IL21: variants seen among roughly 807,000 people sequenced by gnomAD.
IL21 encodes interleukin-21.
A neutral mutation model predicts 18.4 loss-of-function variants in IL21; 3 were observed. The ratio of observed to expected loss-of-function variants is 0.16; its 90% CI spans 0.07 to 0.42. The LOEUF is 0.42. IL21 is among the 10% of genes least tolerant of loss of function. The pLI, the probability that IL21 is intolerant of heterozygous loss-of-function variation, is 0.99. For synonymous variants in IL21, 37 were observed against 62.0 expected (o/e 0.60, Z 1.90); for missense variants, 130 against 188.4 (o/e 0.69, Z 1.81).
At chr4:122,615,598 C>G (rs1331545420) in intron 3 of IL21, 84 bp downstream of exon 3, 1 of 1,255,114 alleles carries the variant, frequency 8.0e-7, no homozygotes, top group Non-Finnish European at 1.1e-6. Flanking sequence ...GCAGCCCTGG[C>G]TACAGGTGTG....
intron 2 of IL21, 109 bp downstream of exon 2, chr4:122,620,592 A>T (rs1352762912): frequency 9.9e-6 from 9 of 912,628 alleles, no homozygotes; most frequent in Non-Finnish European, 1.5e-5. Context: ...TAGACCGCTA[A>T]GTTCATTAAA....
intron 2 of IL21, among the ~76,000 whole-genome samples, chr4:122,618,282 CT>C (rs66724277): frequency 0.35 from 50,810 of 145,232 alleles, 8,798 homozygotes; most frequent in East Asian, 0.45. Context: ...CTCCTTAGGG[CT>C]TTTTTTTTTT....
At position 122,615,662 on chromosome 4, in the gene IL21, A is replaced by G; in HGVS notation, c.360+20T>C. 6.2e-7 allele frequency: 1 copy of G among 1,604,166 alleles called. No homozygotes were observed. The highest frequency in any genetic ancestry group is 2.2e-5 in the East Asian group (1 of 44,834). ...TAGTTTATAAGTACAAATAAGAGAG[A>G]TGACAAATGACAATCTTACTAGTCT... is the stretch of plus-strand genomic sequence containing the variant. On this transcript the variant is annotated intron_variant, in intron 3 of 4. Transcript: ENST00000648588.
At position 122,611,603 on chromosome 4, in the gene IL21, C is replaced by T. The variant is rs1343371269; in HGVS notation, c.*1107G>A. Among the ~76,000 whole-genome samples, 1 of 152,114 alleles carries T rather than the reference C, an allele frequency of 6.6e-6. No homozygotes were observed. Among genetic ancestry groups the T allele is most frequent in the African/African-American group, 2.4e-5 (1 of 41,432 alleles). Reference sequence around the variant, plus strand: ...TAGAGTAGGTTGCTTGTTTTTACTACCCAAGTCTGAAAGATTGGAATGCTT... The same window carrying T: ...TAGAGTAGGTTGCTTGTTTTTACTATCCAAGTCTGAAAGATTGGAATGCTT... On this transcript the variant is annotated 3_prime_UTR_variant, in exon 5 of 5. Transcript: ENST00000648588.
intron 2 of IL21, among the ~76,000 whole-genome samples, chr4:122,616,840 A>G (rs1160613274): frequency 6.6e-6 from 1 of 152,192 alleles, no homozygotes; most frequent in Non-Finnish European, 1.5e-5. Context: ...TCTTTCAGCA[A>G]ACGTGTGTAT....
At chr4:122,614,433 G>A (rs1032407434) in intron 3 of IL21, among the ~76,000 whole-genome samples, 1 of 147,120 alleles carries the variant, frequency 6.8e-6, no homozygotes, top group African/African-American at 2.5e-5. Flanking sequence ...GAGGCTGGGT[G>A]CGATGGCTAA....
At chr4:122,617,523 G>A (rs992733898) in intron 2 of IL21, among the ~76,000 whole-genome samples, 1 of 152,130 alleles carries the variant, frequency 6.6e-6, no homozygotes, top group Non-Finnish European at 1.5e-5. Flanking sequence ...AAGTAGAGGG[G>A]CCCTGCCAGC....
rs1020043419 is a variant in IL21 at position 122,611,953 on chromosome 4, C to G, written c.*757G>C. ...CCAGAAGACAACCTGGCATATGTCC[C>G]TCTATAGGTTTAAATTGCCATTTCC... On this transcript the variant is annotated 3_prime_UTR_variant, in exon 5 of 5. Transcript: ENST00000648588. Among the ~76,000 whole-genome samples, 1 of 151,996 alleles carries G rather than the reference C, an allele frequency of 6.6e-6. No homozygotes were observed. Among genetic ancestry groups the G allele is most frequent in the Non-Finnish European group, 1.5e-5 (1 of 67,980 alleles).
At chr4:122,615,930 A>G (rs898319070) in intron 2 of IL21, 93 bp from the exon 3 acceptor site, 6 of 1,036,864 alleles carry the variant, frequency 5.8e-6, no homozygotes, top group Non-Finnish European at 8.4e-6. Flanking sequence ...CTCTTCTGCA[A>G]TGTCGTGCAT....
At chr4:122,618,804 C>CAAAAAAA (rs1158779760) in intron 2 of IL21, among the ~76,000 whole-genome samples, 1 of 32,590 alleles carries the variant, frequency 3.1e-5, no homozygotes, top group East Asian at 1.0e-3. Context: ...GACTCCGTCT[C>CAAAAAAA]AAAAAAAAAA....
rs1387087514 is a variant in IL21 at position 122,620,815 on chromosome 4, A to C, written c.168+29T>G. On this transcript the variant is annotated intron_variant, in intron 1 of 4. Transcript: ENST00000648588. The stretch of plus-strand genomic sequence containing the variant: ...TTATATTAATTGAAAAGTATGATTT[A>C]GATTTTGTTGTGACAAATATAGTCT... The C allele has an allele frequency of 3.7e-6, 6 of 1,612,526 alleles. 1 individual carries two copies. Among genetic ancestry groups the C allele is most frequent in the Middle Eastern group, 1.7e-4 (1 of 6,042 alleles).
In IL21 at chr4:122,620,914, T is replaced by C. The variant is rs1318919617; in HGVS notation, c.98A>G (p.Asp33Gly). Residue 33 changes from aspartate (D) to glycine (G), a missense_variant, in exon 1 of 5, where the codon GAT (aspartate) becomes GGT (glycine). By Grantham distance (94) the Asp-to-Gly change is moderately conservative (BLOSUM62 -1). Coordinates refer to ENST00000648588, the MANE Select transcript of IL21 (RefSeq NM_021803.4). ...LVHKSSSQGQ[D>G]RHMIRMRQLI... ...TTGACGCATTCTAATCATGTGGCGA[T>C]CTTGACCTTGGGAGCTTGATTTGTG... The C allele has an allele frequency of 2.5e-6, 4 of 1,614,004 alleles. No homozygotes were observed. The highest frequency in any genetic ancestry group is 1.3e-5 in the African/African-American group (1 of 74,920).
chr4:122,613,793 T>C (rs1799298029), intron 3 of IL21, among the ~76,000 whole-genome samples: 1 of 152,378 alleles, frequency 6.6e-6, no homozygotes, highest in Non-Finnish European at 1.5e-5. Context: ...GGCTTTGATA[T>C]ACATTATAAA....
At chr4:122,612,974 G>C (rs550624733) in intron 3 of IL21, 46 bp from the exon 4 acceptor site, 2 of 1,221,404 alleles carry the variant, frequency 1.6e-6, no homozygotes, top group Non-Finnish European at 2.3e-6. Flanking sequence ...AATTTTTTTC[G>C]TAATAAAATG....
chr4:122,615,956 G>C, intron 2 of IL21, 119 bp from the exon 3 acceptor site: 2 of 788,914 alleles, frequency 2.5e-6, no homozygotes, highest in Non-Finnish European at 3.9e-6. Flanking sequence ...CGTTTCAACA[G>C]ATGAGTGAGG....
Position 122,612,122 on chromosome 4 carries a change from A to T in IL21, c.*588T>A, listed in dbSNP as rs899355910. ...CTATAGTATTTAAATATTTTTATAA[A>T]CCCCAATAAAGAAGTAAGGCTTTTA... is the stretch of plus-strand genomic sequence containing the variant. On this transcript the variant is annotated 3_prime_UTR_variant, in exon 5 of 5. Transcript: ENST00000648588. Among the ~76,000 whole-genome samples the T allele has an allele frequency of 3.3e-5, 5 of 151,274 alleles. No homozygotes were observed. Among genetic ancestry groups the T allele is most frequent in the African/African-American group, 1.2e-4 (5 of 41,160 alleles).
In IL21 at chr4:122,612,845, A is replaced by G. The variant is rs1459372758; in HGVS notation, c.438+6T>C. 1.9e-6 allele frequency: 3 copies of G among 1,612,918 alleles called. No homozygotes were observed. Among genetic ancestry groups the G allele is most frequent in the Non-Finnish European group, 2.5e-6 (3 of 1,179,338 alleles). ...CAGAAAATCAAATGAAACTTAAGGT[A>G]GATACCTTTTGGAGAAGTGATTTGA... On this transcript the variant is annotated splice_donor_region_variant and intron_variant, in intron 4 of 4. Coordinates refer to ENST00000648588, the MANE Select transcript of IL21 (RefSeq NM_021803.4).
Position 122,621,044 on chromosome 4 carries a change from G to C in IL21, c.-33C>G, listed in dbSNP as rs763483764. On this transcript the variant is annotated 5_prime_UTR_variant, in exon 1 of 5. Coordinates refer to ENST00000648588, the MANE Select transcript of IL21 (RefSeq NM_021803.4). Reference sequence around the variant, plus strand: ...AACAGTAGAGCTAGACCTTGGTCTCGTTTTCACTTCAGCTTGACTGAGAAC... The same window carrying C: ...AACAGTAGAGCTAGACCTTGGTCTCCTTTTCACTTCAGCTTGACTGAGAAC... 1 of 1,595,582 alleles carries C rather than the reference G, an allele frequency of 6.3e-7. No homozygotes were observed. The highest frequency in any genetic ancestry group is 1.1e-5 in the South Asian group (1 of 89,092).
intron 3 of IL21, 35 bp downstream of exon 3, chr4:122,615,647 G>A (rs1374067112): frequency 6.3e-7 from 1 of 1,585,506 alleles, no homozygotes; most frequent in Non-Finnish European, 8.6e-7. Context: ...TAGTTTATAA[G>A]TACAAATAAG....
Sources: gnomAD v4.1 joint callset for allele counts (sites outside exome capture counted in the v4.1 genomes callset) on GRCh38, gnomAD v4.1.1 for gene constraint, MANE v1.5 for transcripts, NCBI Gene and HGNC (gene_info 2026-07-23, HGNC 2026-07-21) for gene names.